Variants in RP1 observed in about 807,000 individuals in gnomAD.
RP1 encodes the protein oxygen-regulated protein 1.
A neutral mutation model predicts 14.8 loss-of-function variants in RP1; 16 were observed. The ratio of observed to expected loss-of-function variants is 1.08; its 90% CI spans 0.73 to 1.65. The LOEUF is 1.65. RP1 is among the 40% of genes most tolerant of loss of function. The pLI, the probability that RP1 is intolerant of heterozygous loss-of-function variation, is 0.00. For synonymous variants in RP1, 876 were observed against 883.6 expected, an observed-to-expected ratio of 0.99 and a Z score of 0.15; for missense variants, 2,631 against 2,535.0, an observed-to-expected ratio of 1.04 and a Z score of -0.81.
intron 27 of RP1, among the ~76,000 whole-genome samples, chr8:54,864,151 C>T (rs1035842110): frequency 2.0e-5 from 3 of 152,054 alleles, no homozygotes; most frequent in Admixed American, 6.6e-5. Context: ...TGTAGATTCG[C>T]AGCAAGAGGA....
At chr8:54,620,279 CA>C (rs1805822746) in intron 1 of RP1, among the ~76,000 whole-genome samples, 1 of 152,152 alleles carries the variant, frequency 6.6e-6, no homozygotes. Context: ...ATTATAATAC[CA>C]TATTTTGACT....
At chr8:54,825,114 C>T (rs543260503) in intron 24 of RP1, among the ~76,000 whole-genome samples, 5 of 152,066 alleles carry the variant, frequency 3.3e-5, no homozygotes, top group Non-Finnish European at 7.4e-5. Context: ...GGACTACAGG[C>T]GCCTGCCACC....
chr8:54,707,922 G>T (rs888193457), intron 15 of RP1, among the ~76,000 whole-genome samples: 1 of 152,232 alleles, frequency 6.6e-6, no homozygotes, highest in Non-Finnish European at 1.5e-5. Flanking sequence ...ACTCATGCTT[G>T]TAGTCTTTAC....
intron 24 of RP1, among the ~76,000 whole-genome samples, chr8:54,802,312 T>C (rs1346372595): frequency 2.0e-5 from 3 of 152,232 alleles, no homozygotes; most frequent in Non-Finnish European, 4.4e-5. Flanking sequence ...GCATTTTCAG[T>C]ATGTCCTGAT....
intron 1 of RP1, among the ~76,000 whole-genome samples, chr8:54,563,166 A>G (rs1804324939): frequency 6.6e-6 from 1 of 152,224 alleles, no homozygotes; most frequent in African/African-American, 2.4e-5. Flanking sequence ...GTCAGCCCTC[A>G]GGGCTGGCTT....
intron 22 of RP1, among the ~76,000 whole-genome samples, chr8:54,766,357 A>G (rs1450823551): frequency 1.3e-5 from 2 of 152,048 alleles, no homozygotes; most frequent in East Asian, 1.9e-4. Flanking sequence ...ATTTAACTTT[A>G]CTGATTTTTT....
intron 24 of RP1, among the ~76,000 whole-genome samples, chr8:54,837,072 T>G (rs1238797748): frequency 6.6e-6 from 1 of 152,192 alleles, no homozygotes; most frequent in Non-Finnish European, 1.5e-5. Flanking sequence ...CCTCAGGATC[T>G]CACTGTAATG....
intron 7 of RP1, among the ~76,000 whole-genome samples, chr8:54,668,895 T>G (rs1435626029): frequency 6.6e-6 from 1 of 152,172 alleles, no homozygotes; most frequent in Admixed American, 6.5e-5. Context: ...GGTTAAAGAC[T>G]TAAATGTTAG....
intron 1 of RP1, among the ~76,000 whole-genome samples, chr8:54,584,320 T>C (rs556891238): frequency 2.0e-5 from 3 of 152,284 alleles, no homozygotes; most frequent in South Asian, 2.1e-4. Context: ...TTTGAGTGAG[T>C]TTCTTAATCC....
intron 19 of RP1, among the ~76,000 whole-genome samples, chr8:54,741,308 G>A (rs1273746101): frequency 1.3e-5 from 2 of 152,098 alleles, no homozygotes; most frequent in African/African-American, 4.8e-5. Flanking sequence ...GACTCACCCA[G>A]AGCAACTTCC....
rs995266490 is a variant in RP1 at position 54,581,378 on chromosome 8, G to C, written c.-13+22058G>C. 1.4e-4 allele frequency among the ~76,000 whole-genome samples: 22 copies of C among 152,248 alleles called. 1 individual carries two copies. The highest frequency in any genetic ancestry group is 5.1e-4 in the African/African-American group (21 of 41,514). On this transcript the variant is annotated intron_variant, in intron 1 of 22. Transcript: ENST00000636932. ...GCATAGTATTCCATGGTGTATATGT[G>C]CCACATTTTCTTAATCCAGTCTATC... is the stretch of plus-strand genomic sequence containing the variant.
intron 14 of RP1, chr8:54,701,734 CTT>C: frequency 1.5e-6 from 2 of 1,367,028 alleles, no homozygotes; most frequent in South Asian, 2.7e-5. Flanking sequence ...GAGCAAAAGT[CTT>C]AAATTGAGTC....
chr8:54,600,257 G>T (rs1001670911), intron 1 of RP1, among the ~76,000 whole-genome samples: 6 of 152,196 alleles, frequency 3.9e-5, no homozygotes, highest in African/African-American at 1.4e-4. Context: ...CATAATGTAA[G>T]AAGTCCCTTT....
chr8:54,723,845 T>A (rs538399660), intron 16 of RP1, among the ~76,000 whole-genome samples: 12 of 152,316 alleles, frequency 7.9e-5, no homozygotes, highest in Non-Finnish European at 1.3e-4. Flanking sequence ...AACCTATCTA[T>A]GTTTTTAGAA....
chr8:54,810,048 T>C (rs1810952540), intron 24 of RP1, among the ~76,000 whole-genome samples: 1 of 152,192 alleles, frequency 6.6e-6, no homozygotes, highest in South Asian at 2.1e-4. Context: ...AGAGCACATA[T>C]ATGAGAAGCC....
At chr8:54,764,998 T>C (rs1355054361) in intron 22 of RP1, among the ~76,000 whole-genome samples, 5 of 151,812 alleles carry the variant, frequency 3.3e-5, no homozygotes, top group Non-Finnish European at 7.4e-5. Context: ...CTTGAAAAAC[T>C]GAAGTGGCTA....
At chr8:54,789,870 C>T (rs1810418318) in intron 24 of RP1, among the ~76,000 whole-genome samples, 1 of 152,192 alleles carries the variant, frequency 6.6e-6, no homozygotes, top group Non-Finnish European at 1.5e-5. Flanking sequence ...AACTGTGAGA[C>T]ACAGCCTTGA....
intron 24 of RP1, among the ~76,000 whole-genome samples, chr8:54,806,229 G>A (rs1050255135): frequency 6.6e-6 from 1 of 152,074 alleles, no homozygotes; most frequent in African/African-American, 2.4e-5. Flanking sequence ...GTGTTGGCTA[G>A]ACTGGTCTCG....
intron 24 of RP1, among the ~76,000 whole-genome samples, chr8:54,806,323 T>G (rs959293495): frequency 1.3e-5 from 2 of 152,138 alleles, no homozygotes; most frequent in Non-Finnish European, 2.9e-5. Flanking sequence ...GGCCGGGTTT[T>G]TTTTTAACCT....
Sources: allele counts gnomAD v4.1 joint callset (sites outside exome capture counted in the v4.1 genomes callset), GRCh38; gene constraint gnomAD v4.1.1; transcripts MANE v1.5; gene names NCBI Gene and HGNC (gene_info 2026-07-23, HGNC 2026-07-21).